MAPKBP1: variants seen among roughly 807,000 people sequenced by gnomAD.
MAPKBP1 encodes the protein mitogen-activated protein kinase binding protein 1, also known as mitogen-activated protein kinase-binding protein 1.
MAPKBP1 carries 71 observed loss-of-function variants against 170.5 expected under a neutral mutation model. The ratio of observed to expected loss-of-function variants is 0.42; its 90% CI spans 0.34 to 0.51. MAPKBP1 has a LOEUF of 0.51. Among genes scored for constraint, MAPKBP1 ranks in the 20% least tolerant of loss-of-function variants. The pLI, the probability that MAPKBP1 is intolerant of heterozygous loss-of-function variation, is 0.06. For missense variants in MAPKBP1, 1,598 were observed against 1,933.0 expected (o/e 0.83, Z 3.25); for synonymous variants, 719 against 757.9 (o/e 0.95, Z 0.84).
chr15:41,818,658 C>A lies in MAPKBP1; in HGVS notation c.2156+76C>A. ...ACCCTGCCCTCCCCTCTCTCCATTT[C>A]AGTGATGTCTCTGGGAAGTGGGGTT... On this transcript the variant is annotated intron_variant, in intron 19 of 30. Transcript: ENST00000457542. This position sits in a 1 kb window ranked among gnomAD's most constrained non-coding sequence, Gnocchi z 5.2. 6.6e-7 allele frequency: 1 copy of A among 1,516,290 alleles called. No individual in the cohort carries two copies. Among genetic ancestry groups the A allele is most frequent in the Non-Finnish European group, 9.0e-7 (1 of 1,108,918 alleles). 93.9% of individuals were successfully genotyped at this position (1,516,290 alleles called of 1,614,324 possible). A position where few individuals can be genotyped will look rare whatever the true frequency, so the allele number is the denominator to read the frequency against.
At chr15:41,792,531 A>G (rs1415414553) in intron 2 of MAPKBP1, among the ~76,000 whole-genome samples, 1 of 152,118 alleles carries the variant, frequency 6.6e-6, no homozygotes, top group East Asian at 1.9e-4. Context: ...GGTGTGGAGG[A>G]GCTCACTGTA....
chr15:41,814,467 C>T, intron 9 of MAPKBP1, 83 bp from the exon 10 acceptor site: 3 of 1,395,700 alleles, frequency 2.1e-6, no homozygotes, highest in East Asian at 4.6e-5. Context: ...GAGGGCTCCT[C>T]ACACACTGCT....
chr15:41,814,668 G>A lies in MAPKBP1; in HGVS notation c.1099G>A (p.Val367Met), dbSNP rs758438147. 5.0e-6 allele frequency: 8 copies of A among 1,614,222 alleles called. No homozygotes were observed. Among genetic ancestry groups the A allele is most frequent in the East Asian group, 2.2e-5 (1 of 44,894 alleles). The part of the protein sequence containing the change: ...YNDHSIYVWD[V>M]RDPKKVGKVY... ...CGATCATAGCATTTATGTTTGGGAT[G>A]TGAGGGACCCCAAGAAAGTGGGCAA... is the stretch of plus-strand genomic sequence containing the variant. Residue 367 changes from valine to methionine, a missense_variant, in exon 10 of 31, where the codon GTG becomes ATG. Val to Met is a conservative substitution (Grantham distance 21). Around this residue, in one of 6 missense-constraint regions of MAPKBP1, gnomAD observed 430 missense variants for 617.2 expected, o/e 0.70. Transcript: ENST00000457542.
chr15:41,803,413 C>CAAAAAAAAAAA (rs1166671811), intron 3 of MAPKBP1, among the ~76,000 whole-genome samples: 1 of 11,246 alleles, frequency 8.9e-5, no homozygotes. Flanking sequence ...GACTCCATCT[C>CAAAAAAAAAAA]AAAAAAAAAA....
At chr15:41,777,591 A>G (rs2064119153) in intron 2 of MAPKBP1, among the ~76,000 whole-genome samples, 1 of 152,204 alleles carries the variant, frequency 6.6e-6, no homozygotes, top group African/African-American at 2.4e-5. Flanking sequence ...TCTGGCAGCA[A>G]AATGACTGGT....
At position 41,827,736 on chromosome 15, in the gene MAPKBP1, C is replaced by G. The variant is rs1477403426; in HGVS notation, c.*2300C>G. 5.5e-6 allele frequency: 1 copy of G among 181,160 alleles called. No homozygotes were observed. The highest frequency in any genetic ancestry group is 6.2e-5 in the Admixed American group (1 of 16,040). 11.2% of individuals were successfully genotyped at this position (181,160 alleles called of 1,614,324 possible). On this transcript the variant is annotated 3_prime_UTR_variant, in exon 31 of 31. Transcript: ENST00000457542. ...AAGCCCCTTATTTATAACTTTTATA[C>G]TTTGTGCAGGTCGCGGCGCTTCCTG...
intron 2 of MAPKBP1, among the ~76,000 whole-genome samples, chr15:41,781,335 A>G (rs370350445): frequency 4.6e-5 from 7 of 151,710 alleles, no homozygotes; most frequent in East Asian, 1.9e-4. Context: ...CTCGGCCTCC[A>G]AAAGTGTGCA....
At chr15:41,820,745 C>A in intron 22 of MAPKBP1, 87 bp from the exon 23 acceptor site, 2 of 947,030 alleles carry the variant, frequency 2.1e-6, no homozygotes, top group South Asian at 1.5e-5. Flanking sequence ...TGTAGTGTGC[C>A]AGGCACATAG....
chr15:41,777,869 G>A (rs926390491), intron 2 of MAPKBP1, among the ~76,000 whole-genome samples: 4 of 152,230 alleles, frequency 2.6e-5, no homozygotes, highest in South Asian at 4.1e-4. Context: ...CTTTTGGGGG[G>A]CAAAGAAGGA....
intron 2 of MAPKBP1, among the ~76,000 whole-genome samples, chr15:41,783,953 G>A (rs2064235075): frequency 1.3e-5 from 2 of 152,152 alleles, no homozygotes; most frequent in African/African-American, 2.4e-5. Flanking sequence ...AGCTTACAGT[G>A]AGCCGAGATC....
At chr15:41,812,833 A>G in intron 7 of MAPKBP1, 86 bp from the exon 8 acceptor site, 1 of 1,486,564 alleles carries the variant, frequency 6.7e-7, no homozygotes. Context: ...GAGGTGCTGG[A>G]GGCGTCCCCT....
intron 29 of MAPKBP1, among the ~76,000 whole-genome samples, 164 bp downstream of exon 29, chr15:41,824,225 C>T (rs1379341137): frequency 6.6e-6 from 1 of 152,190 alleles, no homozygotes; most frequent in Non-Finnish European, 1.5e-5. Context: ...ATGGTGAGAC[C>T]CTCCTGCTAA....
chr15:41,805,117 G>T (rs866722238), intron 3 of MAPKBP1, among the ~76,000 whole-genome samples: 1 of 152,268 alleles, frequency 6.6e-6, no homozygotes, highest in Middle Eastern at 3.4e-3. Context: ...GAGGCCCGGA[G>T]GCGAATATCA....
At chr15:41,816,371 G>A (rs971622753) in intron 12 of MAPKBP1, 188 bp from the exon 13 acceptor site, 19 of 572,352 alleles carry the variant, frequency 3.3e-5, no homozygotes, top group Non-Finnish European at 5.3e-5. Context: ...CTATCGTTAT[G>A]TAAGATGTTC....
chr15:41,819,145 A>G (rs1249716396), intron 20 of MAPKBP1, 101 bp from the exon 21 acceptor site: 3 of 1,478,146 alleles, frequency 2.0e-6, no homozygotes, highest in Non-Finnish European at 2.8e-6. Context: ...ATTGAGTCTC[A>G]TCTTCCCCTC....
chr15:41,818,580 C>T lies in MAPKBP1; in HGVS notation c.2154C>T (p.Asp718=). ...DCKHLISVSG[D]SCIFVWRLSS... ...AACATCTCATCTCTGTGTCTGGGGACAGGTGAGCAGAAGCCAGCTTCCCTG... is the reference window on the plus strand; with the variant it reads ...AACATCTCATCTCTGTGTCTGGGGATAGGTGAGCAGAAGCCAGCTTCCCTG... The change falls in exon 19 of 31, where the codon GAC becomes GAT. Residue 718 remains aspartate, a splice_region_variant and synonymous_variant. Transcript: ENST00000457542. This position sits in a 1 kb window ranked among gnomAD's most constrained non-coding sequence, Gnocchi z 5.2. 6.2e-7 allele frequency: 1 copy of T among 1,611,734 alleles called. No homozygotes were observed. The highest frequency in any genetic ancestry group is 8.5e-7 in the Non-Finnish European group (1 of 1,178,916).
At chr15:41,778,699 TAAG>T (rs2064135195) in intron 2 of MAPKBP1, among the ~76,000 whole-genome samples, 1 of 152,242 alleles carries the variant, frequency 6.6e-6, no homozygotes, top group South Asian at 2.1e-4. Context: ...GTGTTTTCCT[TAAG>T]AAGCAAATGT....
chr15:41,778,237 T>A (rs2064129619), intron 2 of MAPKBP1, among the ~76,000 whole-genome samples: 2 of 152,258 alleles, frequency 1.3e-5, no homozygotes, highest in Middle Eastern at 3.4e-3. Context: ...GACATCCAGG[T>A]GAATAAAATA....
Position 41,817,941 on chromosome 15 carries a change from A to G in MAPKBP1, c.1905-68A>G, listed in dbSNP as rs1253162162. 2 of 1,560,262 alleles carry G rather than the reference A, an allele frequency of 1.3e-6. No individual in the cohort carries two copies. Among genetic ancestry groups the G allele is most frequent in the African/African-American group, 2.7e-5 (2 of 73,726 alleles). On this transcript the variant is annotated intron_variant, in intron 16 of 30. Transcript: ENST00000457542. The surrounding 1 kb of genome is among the most constrained non-coding windows in gnomAD (Gnocchi z 4.2). ...GTGTAGACTGGGAGTGAAAGCTGGC[A>G]TTTCCATCCCCCAGGCGTGTTCCAC... is the stretch of plus-strand genomic sequence containing the variant.
Sources: allele counts gnomAD v4.1 joint callset (sites outside exome capture counted in the v4.1 genomes callset), GRCh38; gene constraint gnomAD v4.1.1; regional missense constraint gnomAD v4.1.1; non-coding constraint Gnocchi (gnomAD v3.1); transcripts MANE v1.5; gene names NCBI Gene and HGNC (gene_info 2026-07-23, HGNC 2026-07-21).